The following FLII variants were observed in gnomAD, a reference collection of about 807,000 sequenced individuals.
FLII encodes protein flightless-1 homolog.
In FLII, 101 loss-of-function variants were observed where a neutral mutation model predicts 156.2. The ratio of observed to expected loss-of-function variants is 0.65; its 90% CI spans 0.55 to 0.76. The LOEUF (loss-of-function observed/expected upper bound fraction) is 0.76. FLII is among the 30% of genes least tolerant of loss of function. The pLI is 0.00. For synonymous variants in FLII, 767 were observed against 685.8 expected, an observed-to-expected ratio of 1.12 and a Z score of -1.85; for missense variants, 1,675 against 1,682.8, an observed-to-expected ratio of 1.00 and a Z score of 0.08.
chr17:18,247,105 A>T, intron 21 of FLII, 53 bp from the exon 22 acceptor site: 3 of 1,567,456 alleles, frequency 1.9e-6, no homozygotes, highest in South Asian at 2.3e-5. Context: ...CTCTGCGCAT[A>T]GGCCCCGCCC....
In FLII at chr17:18,248,594, G is replaced by C; in HGVS notation, c.2146C>G (p.His716Asp). Residue 716 changes from histidine to aspartate, a missense_variant, in exon 18 of 30, where the codon CAC becomes GAC. Around this residue, in one of 2 missense-constraint regions of FLII, gnomAD observed 1,332 missense variants for 1,269.3 expected, o/e 1.05. Transcript: ENST00000327031. ...GGCGGCCAGAAGTCTTCAGGCACGT[G>C]CTTCTTGATCTCAGAGGGCTCCCCA... ...LGGEPSEIKK[H>D]VPEDFWPPQP... 4.3e-6 allele frequency: 7 copies of C among 1,613,368 alleles called. No homozygotes were observed. Among genetic ancestry groups the C allele is most frequent in the Non-Finnish European group, 5.9e-6 (7 of 1,179,872 alleles).
Position 18,246,816 on chromosome 17 carries a change from A to G in FLII, c.2829T>C (p.Pro943=), listed in dbSNP as rs779700268. The part of the protein sequence containing the change: ...CYVFLCRYWV[P]VEYEEEEKKE... ...TCTTTTCCTCCTCCTCGTACTCCAC[A>G]GGCACCCAGTACCTGCCGGGTTGGA... Residue 943 remains proline, a synonymous_variant, in exon 23 of 30, where the codon CCT becomes CCC. Coordinates refer to ENST00000327031, the MANE Select transcript of FLII (RefSeq NM_002018.4). 2 of 1,613,724 alleles carry G rather than the reference A, an allele frequency of 1.2e-6. No homozygotes were observed. Among genetic ancestry groups the G allele is most frequent in the Non-Finnish European group, 1.7e-6 (2 of 1,179,912 alleles).
Position 18,244,908 on chromosome 17 carries a change from G to C in FLII, c.*230C>G. On this transcript the variant is annotated 3_prime_UTR_variant, in exon 30 of 30. Transcript: ENST00000327031. Reference sequence around the variant, plus strand: ...CACATCTGCTTTATCCCTAGCGGAAGAGTGAGGGGGCTTCACACGTGCACT... The same window carrying C: ...CACATCTGCTTTATCCCTAGCGGAACAGTGAGGGGGCTTCACACGTGCACT... The C allele has an allele frequency of 1.9e-6, 1 of 540,492 alleles. No individual in the cohort carries two copies. The highest frequency in any genetic ancestry group is 3.2e-5 in the South Asian group (1 of 31,442). 33.5% of individuals were successfully genotyped at this position (540,492 alleles called of 1,614,324 possible). A position where few individuals can be genotyped will look rare whatever the true frequency, so the allele number is the denominator to read the frequency against.
chr17:18,249,645 C>T (rs191099935), intron 14 of FLII, among the ~76,000 whole-genome samples: 2,511 of 151,854 alleles, frequency 0.017, 31 homozygotes, highest in Non-Finnish European at 0.023. Flanking sequence ...CATAAATTAG[C>T]CAGGCGTGGT....
Position 18,254,153 on chromosome 17 carries a change from G to A in FLII, c.605C>T (p.Thr202Ile). 6.2e-7 allele frequency: 1 copy of A among 1,610,958 alleles called. No homozygotes were observed. The highest frequency in any genetic ancestry group is 8.5e-7 in the Non-Finnish European group (1 of 1,178,456). ...GCGCTGGGTGCTCCGCAGGTGCAGG[G>A]TCTGCAGGGCCGTCATCGCTGGGAG... ...RQLPAMTALQ[T>I]LHLRSTQRTQ... Residue 202 changes from threonine to isoleucine, a missense_variant, in exon 7 of 30, where the codon ACC becomes ATC. Physicochemically the swap from Thr to Ile is moderately conservative, Grantham distance 89. Transcript: ENST00000327031.
Position 18,245,989 on chromosome 17 carries a change from G to T in FLII, c.3341C>A (p.Ala1114Asp), listed in dbSNP as rs1349145590. Residue 1114 changes from alanine (A) to aspartate (D), a missense_variant, in exon 26 of 30, where the codon GCC becomes GAC. Ala to Asp is a moderately radical substitution (Grantham distance 126, BLOSUM62 -2). This residue lies in a region of FLII where 1,332 missense variants were observed against 1,269.3 expected (regional missense o/e 1.05). Transcript: ENST00000327031. ...GTTCAGGATGTCTTCTGCCAACTTG[G>T]CTTCGTCAGGGTCTGATGCCCGGCC... ...WVGRASDPDE[A>D]KLAEDILNTM... 3 of 1,614,040 alleles carry T rather than the reference G, an allele frequency of 1.9e-6. No homozygotes were observed. Among genetic ancestry groups the T allele is most frequent in the Non-Finnish European group, 2.5e-6 (3 of 1,179,994 alleles).
chr17:18,253,208 C>T, intron 9 of FLII, 93 bp downstream of exon 9: 1 of 1,306,842 alleles, frequency 7.7e-7, no homozygotes, highest in Non-Finnish European at 1.1e-6. Flanking sequence ...TTCATTTTGT[C>T]TGACTTGCAC....
chr17:18,255,318 C>CA, intron 3 of FLII, 55 bp from the exon 4 acceptor site: 1 of 1,453,850 alleles, frequency 6.9e-7, no homozygotes, highest in Non-Finnish European at 9.6e-7. Flanking sequence ...CAGGAAGGAA[C>CA]AGAGTCTAGA....
chr17:18,254,840 G>A lies in FLII; in HGVS notation c.342C>T (p.Asn114=). 6.2e-7 allele frequency: 1 copy of A among 1,614,178 alleles called. No individual in the cohort carries two copies. The highest frequency in any genetic ancestry group is 8.5e-7 in the Non-Finnish European group (1 of 1,180,020). The change falls in exon 5 of 30, where the codon AAC becomes AAT. Residue 114 remains asparagine (N), a synonymous_variant. Coordinates refer to ENST00000327031, the MANE Select transcript of FLII (RefSeq NM_002018.4). ...GCTCCCGCGGGCACTCTGTCAGCTG[G>A]TTGTGGCTCAAGTCCTGGGTAGAAG... ...DDLSVLDLSH[N]QLTECPRELE...
In FLII at chr17:18,252,500, T is replaced by A; in HGVS notation, c.1070A>T (p.Glu357Val). Residue 357 changes from glutamate to valine, a missense_variant, in exon 10 of 30, where the codon GAA becomes GTA. Transcript: ENST00000327031. ...GATCTCCGTCAGGAAATGGATGGCT[T>A]CTGGGAGGGTCACCAGGTGGTTCTT... ...LNKNHLVTLP[E>V]AIHFLTEIEV... The A allele has an allele frequency of 1.2e-6, 2 of 1,613,754 alleles. No individual in the cohort carries two copies. The highest frequency in any genetic ancestry group is 1.7e-6 in the Non-Finnish European group (2 of 1,179,998).
rs1597905767 is a variant in FLII, at chr17:18,248,830, TGGGCCCCCC to T, written c.1979_1987del (p.Arg660_Ala662del). 1 of 1,613,642 alleles carries T rather than the reference TGGGCCCCCC, an allele frequency of 6.2e-7. No homozygotes were observed. The highest frequency in any genetic ancestry group is 1.6e-4 in the Middle Eastern group (1 of 6,062). The stretch of plus-strand genomic sequence containing the variant: ...CTTGGTGGTGCTGCTCAGTGTGGCC[TGGGCCCCCC>T]GCCATACGTAGATGTCTAGCCCTCG... On this transcript the variant is annotated inframe_deletion, in exon 17 of 30. Transcript: ENST00000327031.
chr17:18,252,213 T>C, intron 10 of FLII, 67 bp from the exon 11 acceptor site: 1 of 1,451,774 alleles, frequency 6.9e-7, no homozygotes, highest in Non-Finnish European at 9.6e-7. Flanking sequence ...ACCAATCCAG[T>C]TTCTTGCTCT....
intron 6 of FLII, 151 bp downstream of exon 6, chr17:18,254,370 G>T: frequency 1.2e-6 from 1 of 841,432 alleles, no homozygotes; most frequent in South Asian, 1.8e-5. Context: ...AGGTGGACAT[G>T]ATACTTAGGA....
chr17:18,248,720 G>A lies in FLII; in HGVS notation c.2020C>T (p.Leu674Phe), dbSNP rs1391455091. The A allele has an allele frequency of 1.2e-6, 2 of 1,613,762 alleles. No homozygotes were observed. The highest frequency in any genetic ancestry group is 1.1e-5 in the South Asian group (1 of 91,080). ...ATLSSTTKARLFAEKINKNER... is the reference protein window; with the variant it reads ...ATLSSTTKARFFAEKINKNER... ...TTCTTGTTAATTTTCTCTGCAAAGA[G>A]CCTGAGAGCAGGATGCAAAGTCATC... Residue 674 changes from leucine (L) to phenylalanine (F), a missense_variant and splice_region_variant, in exon 18 of 30, where the codon CTC becomes TTC. This residue lies in a region of FLII where 1,332 missense variants were observed against 1,269.3 expected (regional missense o/e 1.05). Coordinates refer to ENST00000327031, the MANE Select transcript of FLII (RefSeq NM_002018.4).
chr17:18,249,175 T>C lies in FLII; in HGVS notation c.1886A>G (p.Asn629Ser), dbSNP rs375336405. 70 of 1,614,074 alleles carry C rather than the reference T, an allele frequency of 4.3e-5. No individual in the cohort carries two copies. Among genetic ancestry groups the C allele is most frequent in the Non-Finnish European group, 5.6e-5 (66 of 1,180,042 alleles). Residue 629 changes from asparagine (N) to serine (S), a missense_variant, in exon 16 of 30, where the codon AAC becomes AGC. This residue lies in a region of FLII where 1,332 missense variants were observed against 1,269.3 expected (regional missense o/e 1.05). Coordinates refer to ENST00000327031, the MANE Select transcript of FLII (RefSeq NM_002018.4). ...GAGGGGCACAGGCTCCAACTTGATG[T>C]TCTTTTTCCCATACACACGATACAT... ...TRMYRVYGKK[N>S]IKLEPVPLKG... is the part of the protein sequence containing the mutation.
At position 18,246,776 on chromosome 17, in the gene FLII, C is replaced by T. The variant is rs2048074612; in HGVS notation, c.2869G>A (p.Glu957Lys). The T allele has an allele frequency of 1.3e-6, 2 of 1,588,252 alleles. No homozygotes were observed. The highest frequency in any genetic ancestry group is 1.1e-5 in the South Asian group (1 of 89,942). The change falls in exon 23 of 30, where the codon GAG (glutamate) becomes AAG (lysine). Residue 957 changes from glutamate to lysine, a missense_variant. Coordinates refer to ENST00000327031, the MANE Select transcript of FLII (RefSeq NM_002018.4). ...TCGCCTTCTTTGCCCTCGGCCTTCT[C>T]CTCCTTGTCTTCCTTCTTTTCCTCC... ...EEEEKKEDKE[E>K]KAEGKEGEEA...
At chr17:18,254,043 G>A (rs1157015714) in intron 7 of FLII, 36 bp downstream of exon 7, 3 of 1,519,766 alleles carry the variant, frequency 2.0e-6, no homozygotes, top group African/African-American at 2.7e-5. Context: ...GCCCAGAGGG[G>A]GCCCGAGCTC....
chr17:18,249,356 T>TAGAAGA lies in FLII; in HGVS notation c.1828_1829insTCTTCT (p.Phe609_Tyr610insPhePhe), dbSNP rs1567710616. 1 of 1,614,102 alleles carries TAGAAGA rather than the reference T, an allele frequency of 6.2e-7. No homozygotes were observed. The highest frequency in any genetic ancestry group is 1.1e-5 in the South Asian group (1 of 91,076). On this transcript the variant is annotated inframe_insertion, in exon 15 of 30. Coordinates refer to ENST00000327031, the MANE Select transcript of FLII (RefSeq NM_002018.4). ...GACATAGTGTGTGTCTTCCACAGTG[T>TAGAAGA]AGAAGCCACTGGCTGTTCCACCCTC... is the stretch of plus-strand genomic sequence containing the variant.
chr17:18,247,586 A>G, intron 20 of FLII, 71 bp downstream of exon 20: 1 of 1,382,464 alleles, frequency 7.2e-7, no homozygotes. Flanking sequence ...GGAGGTAGTG[A>G]AGCCACAGGG....
Sources: gnomAD v4.1 joint callset for allele counts (sites outside exome capture counted in the v4.1 genomes callset) on GRCh38, gnomAD v4.1.1 for gene constraint, gnomAD v4.1.1 regional missense constraint, MANE v1.5 for transcripts, NCBI Gene and HGNC (gene_info 2026-07-23, HGNC 2026-07-21) for gene names.